CSRNP3: variants seen among roughly 807,000 people sequenced by gnomAD.
CSRNP3 encodes the protein cysteine and serine rich nuclear protein 3.
In CSRNP3, 12 loss-of-function variants were observed where a neutral mutation model predicts 48.0. The observed-to-expected ratio is 0.25, with a 90% confidence interval of 0.16 to 0.41. CSRNP3 has a LOEUF of 0.41. CSRNP3 is among the 10% of genes least tolerant of loss of function. The probability of loss-of-function intolerance (pLI) is 1.00; values close to 1 mark genes in which losing one functional copy is unlikely to be tolerated. For missense variants in CSRNP3, 580 were observed against 724.4 expected, an observed-to-expected ratio of 0.80 and a Z score of 2.29; for synonymous variants, 263 against 269.7, an observed-to-expected ratio of 0.98 and a Z score of 0.24.
At chr2:165,650,323 C>T (rs927593248) in intron 4 of CSRNP3, among the ~76,000 whole-genome samples, 2 of 152,134 alleles carry the variant, frequency 1.3e-5, no homozygotes, top group Non-Finnish European at 2.9e-5. Context: ...AGGAATTACT[C>T]CTATAGTTCT....
At chr2:165,509,935 C>T (rs575510043) in intron 2 of CSRNP3, among the ~76,000 whole-genome samples, 25 of 152,208 alleles carry the variant, frequency 1.6e-4, no homozygotes, top group African/African-American at 5.5e-4. Flanking sequence ...TTTTGAAGAG[C>T]TTGAGTCAAG....
chr2:165,629,704 T>C (rs568095399), intron 4 of CSRNP3, among the ~76,000 whole-genome samples: 103 of 152,320 alleles, frequency 6.8e-4, no homozygotes, highest in African/African-American at 2.4e-3. Flanking sequence ...TATCTCGATA[T>C]GTTTGATTCA....
chr2:165,495,389 A>T (rs996906769), intron 2 of CSRNP3, among the ~76,000 whole-genome samples: 1 of 152,022 alleles, frequency 6.6e-6, no homozygotes, highest in African/African-American at 2.4e-5. Context: ...GAGATCCTAT[A>T]GTTGTTTGGA....
At chr2:165,634,379 A>G (rs1414559368) in intron 4 of CSRNP3, among the ~76,000 whole-genome samples, 1 of 152,166 alleles carries the variant, frequency 6.6e-6, no homozygotes, top group Admixed American at 6.5e-5. Flanking sequence ...ACATTATTTG[A>G]AAAACATACA....
At chr2:165,547,110 C>T (rs1170494199) in intron 3 of CSRNP3, among the ~76,000 whole-genome samples, 1 of 152,124 alleles carries the variant, frequency 6.6e-6, no homozygotes, top group East Asian at 1.9e-4. Context: ...GTAAAAACTG[C>T]TCTCTTGGTA....
At chr2:165,647,058 A>G (rs546894703) in intron 4 of CSRNP3, among the ~76,000 whole-genome samples, 1 of 152,320 alleles carries the variant, frequency 6.6e-6, no homozygotes, top group African/African-American at 2.4e-5. Context: ...ATAAAGGAAC[A>G]CACTTTTTAT....
intron 4 of CSRNP3, among the ~76,000 whole-genome samples, chr2:165,636,443 TA>T (rs1425408436): frequency 1.3e-5 from 2 of 152,182 alleles, no homozygotes; most frequent in Admixed American, 1.3e-4. Context: ...ACTCCATCAA[TA>T]AGACACGTGT....
intron 4 of CSRNP3, among the ~76,000 whole-genome samples, chr2:165,603,034 T>C (rs1685942896): frequency 6.6e-6 from 1 of 152,164 alleles, no homozygotes; most frequent in Non-Finnish European, 1.5e-5. Context: ...TAGCTGGGAC[T>C]ACAGGCACCT....
intron 2 of CSRNP3, among the ~76,000 whole-genome samples, chr2:165,516,167 ATGCTTGCTTGC>A (rs749919536): frequency 4.7e-4 from 72 of 152,144 alleles, no homozygotes; most frequent in Non-Finnish European, 9.6e-4. Flanking sequence ...ATCTGTTTGT[ATGCTTGCTTGC>A]TGCTTGCTTG....
chr2:165,558,868 C>T (rs1292135506), intron 3 of CSRNP3, among the ~76,000 whole-genome samples: 1 of 152,152 alleles, frequency 6.6e-6, no homozygotes, highest in Non-Finnish European at 1.5e-5. Context: ...ACGTGATGAC[C>T]TATAATGACA....
Position 165,676,304 on chromosome 2 carries a change from G to A in CSRNP3, c.409-8G>A, listed in dbSNP as rs1687422749. ...ATGAGTCTCTTATTTGCTGCTTTGT[G>A]TTTTTAGATGACTAAGAATGGCACA... On this transcript the variant is annotated splice_region_variant and splice_polypyrimidine_tract_variant and intron_variant, in intron 5 of 6. Transcript: ENST00000651982. The A allele has an allele frequency of 6.2e-7, 1 of 1,610,384 alleles. No homozygotes were observed. The highest frequency in any genetic ancestry group is 2.2e-5 in the East Asian group (1 of 44,814).
chr2:165,603,294 A>G (rs1426846273), intron 4 of CSRNP3, among the ~76,000 whole-genome samples: 2 of 152,170 alleles, frequency 1.3e-5, no homozygotes, highest in Non-Finnish European at 2.9e-5. Flanking sequence ...GATGTCAGTT[A>G]ACTGTGTGAT....
Position 165,686,761 on chromosome 2 carries a change from C to T in CSRNP3, c.*7008C>T, listed in dbSNP as rs1412964152. On this transcript the variant is annotated 3_prime_UTR_variant, in exon 7 of 7. Transcript: ENST00000651982. ...CCACTGCCATGGGTTACCATCTGAA[C>T]CCTGATTCATTAGGCACTAGTCATG... The T allele has an allele frequency of 6.6e-6, 1 of 152,080 alleles. No homozygotes were observed. Among genetic ancestry groups the T allele is most frequent in the East Asian group, 1.9e-4 (1 of 5,170 alleles). The allele number at this position is 152,080 out of a possible 1,614,324, so 9.4% of individuals were successfully genotyped here. A position where few individuals can be genotyped will look rare whatever the true frequency, so the allele number is the denominator to read the frequency against.
chr2:165,670,435 T>C (rs1212203872), intron 5 of CSRNP3, among the ~76,000 whole-genome samples: 2 of 152,202 alleles, frequency 1.3e-5, no homozygotes, highest in Admixed American at 6.5e-5. Context: ...AAAAGATTGT[T>C]CAGTACCTGT....
chr2:165,654,300 A>T (rs1686967017), intron 4 of CSRNP3, among the ~76,000 whole-genome samples: 1 of 152,218 alleles, frequency 6.6e-6, no homozygotes, highest in Admixed American at 6.5e-5. Flanking sequence ...GATGATTTAA[A>T]CATATGGTTA....
At chr2:165,612,022 T>C (rs931674892) in intron 4 of CSRNP3, among the ~76,000 whole-genome samples, 3 of 152,122 alleles carry the variant, frequency 2.0e-5, no homozygotes, top group African/African-American at 4.8e-5. Flanking sequence ...TTTAACACAT[T>C]TGCTCTTGCC....
rs558878223 is a variant in CSRNP3 at position 165,483,072 on chromosome 2, A to T, written c.-282-11687A>T. Among the ~76,000 whole-genome samples the T allele has an allele frequency of 2.0e-5, 3 of 149,980 alleles. No individual in the cohort carries two copies. The South Asian group carries it at 6.3e-4, about 31-fold the overall frequency. On this transcript the variant is annotated intron_variant, in intron 1 of 6. Coordinates refer to ENST00000651982, the MANE Select transcript of CSRNP3 (RefSeq NM_001172173.2). ...TATATATATGTATATAAAAATATAG[A>T]TATAAATAAATAATGTATATATAAA...
intron 3 of CSRNP3, among the ~76,000 whole-genome samples, chr2:165,577,872 C>G (rs1279470002): frequency 6.6e-6 from 1 of 151,884 alleles, no homozygotes; most frequent in African/African-American, 2.4e-5. Flanking sequence ...CTCCATATTT[C>G]TCGTACGTAC....
rs1558972614 is a variant in CSRNP3 at position 165,679,105 on chromosome 2, CGAGGAGGAGGAGGAAGAAGAAGAGGAA to C, written c.1125_1151del (p.Glu375_Glu383del). On this transcript the variant is annotated inframe_deletion, in exon 7 of 7. Coordinates refer to ENST00000651982, the MANE Select transcript of CSRNP3 (RefSeq NM_001172173.2). ...AAAGCTTGGCACCTAGTGAGTCAGA[CGAGGAGGAGGAGGAAGAAGAAGAGGAA>C]GAGGAGGAGGAGGATGACGATGATG... 2 of 1,612,270 alleles carry C rather than the reference CGAGGAGGAGGAGGAAGAAGAAGAGGAA, an allele frequency of 1.2e-6. No homozygotes were observed. Among genetic ancestry groups the C allele is most frequent in the Non-Finnish European group, 8.5e-7 (1 of 1,179,092 alleles).
Sources: allele counts gnomAD v4.1 joint callset (sites outside exome capture counted in the v4.1 genomes callset), GRCh38; gene constraint gnomAD v4.1.1; transcripts MANE v1.5; gene names NCBI Gene and HGNC (gene_info 2026-07-23, HGNC 2026-07-21).